PPP2R2A: variants seen among roughly 807,000 people sequenced by gnomAD.
PPP2R2A encodes protein phosphatase 2 regulatory subunit Balpha.
A neutral mutation model predicts 53.2 loss-of-function variants in PPP2R2A; 9 were observed. The observed-to-expected ratio is 0.17, with a 90% confidence interval of 0.10 to 0.30. The LOEUF is 0.30. PPP2R2A is among the 10% of genes least tolerant of loss of function. The pLI is 1.00. For missense variants in PPP2R2A, 235 were observed against 534.6 expected, an observed-to-expected ratio of 0.44 and a Z score of 5.53; for synonymous variants, 169 against 174.2, an observed-to-expected ratio of 0.97 and a Z score of 0.23.
chr8:26,323,655 A>T (rs11775225), intron 2 of PPP2R2A, among the ~76,000 whole-genome samples: 23 of 152,172 alleles, frequency 1.5e-4, no homozygotes, highest in African/African-American at 5.6e-4. Flanking sequence ...ACATGAAGAG[A>T]TATGTAGGAC....
chr8:26,367,433 GA>G (rs956362713), intron 9 of PPP2R2A, among the ~76,000 whole-genome samples: 1 of 152,042 alleles, frequency 6.6e-6, no homozygotes, highest in Non-Finnish European at 1.5e-5. Context: ...TCTATTATCA[GA>G]AAAAAACGAT....
At chr8:26,365,002 A>G (rs1211825757) in intron 8 of PPP2R2A, 5 of 152,188 alleles carry the variant, frequency 3.3e-5, no homozygotes, top group Non-Finnish European at 5.9e-5. Context: ...GCCAAGATTG[A>G]TATATCTCCT....
At chr8:26,326,898 C>A (rs1803116017) in intron 2 of PPP2R2A, among the ~76,000 whole-genome samples, 1 of 152,190 alleles carries the variant, frequency 6.6e-6, no homozygotes, top group Non-Finnish European at 1.5e-5. Flanking sequence ...GTTTAAAAAA[C>A]CACACCTATA....
chr8:26,302,966 A>T (rs1350646032), intron 2 of PPP2R2A, among the ~76,000 whole-genome samples: 1 of 152,204 alleles, frequency 6.6e-6, no homozygotes, highest in African/African-American at 2.4e-5. Flanking sequence ...GTCATTCAGA[A>T]AATTTGAGTT....
intron 2 of PPP2R2A, among the ~76,000 whole-genome samples, chr8:26,335,951 T>A (rs1239412200): frequency 6.6e-6 from 1 of 152,248 alleles, no homozygotes; most frequent in Non-Finnish European, 1.5e-5. Flanking sequence ...ATGTCTTGTT[T>A]CTGTTGCATC....
chr8:26,366,271 C>A lies in PPP2R2A; in HGVS notation c.973-44C>A, dbSNP rs762243003. The A allele has an allele frequency of 3.8e-5, 56 of 1,481,962 alleles. 1 individual carries two copies. In the Admixed American group the frequency reaches 9.2e-4, roughly 24 times the overall value. 91.8% of individuals were successfully genotyped at this position (1,481,962 alleles called of 1,614,324 possible). On this transcript the variant is annotated intron_variant, in intron 8 of 9. Coordinates refer to ENST00000380737, the MANE Select transcript of PPP2R2A (RefSeq NM_002717.4). ...TTTTAAAGATATGGACTTGTTAAATCATTTTCCTAATTTCAGTGCAGTATA... is the reference window on the plus strand; with the variant it reads ...TTTTAAAGATATGGACTTGTTAAATAATTTTCCTAATTTCAGTGCAGTATA...
At chr8:26,291,877 C>A (rs1396182764) in intron 1 of PPP2R2A, 51 bp downstream of exon 1, 1 of 1,604,226 alleles carries the variant, frequency 6.2e-7, no homozygotes, top group Non-Finnish European at 8.5e-7. Context: ...TTCCTTATTC[C>A]TCCCTCCATC....
intron 1 of PPP2R2A, chr8:26,292,164 T>A: frequency 8.4e-7 from 1 of 1,188,782 alleles, no homozygotes; most frequent in Non-Finnish European, 1.0e-6. Context: ...TTCTCCCACC[T>A]CCCCACCTTG....
chr8:26,309,773 G>A (rs928819183), intron 2 of PPP2R2A, among the ~76,000 whole-genome samples: 10 of 152,186 alleles, frequency 6.6e-5, no homozygotes, highest in African/African-American at 2.2e-4. Context: ...GAGGGGAACT[G>A]CCAGTAGGTG....
In PPP2R2A at chr8:26,372,177, T is replaced by C. The variant is rs1048527; in HGVS notation, c.*1764T>C. On this transcript the variant is annotated 3_prime_UTR_variant, in exon 10 of 10. Transcript: ENST00000380737. ...ACTGTATCTTTTGGATTTAACAAATTTGTATTTGAAACACATTCTATGTCT... is the reference window on the plus strand; with the variant it reads ...ACTGTATCTTTTGGATTTAACAAATCTGTATTTGAAACACATTCTATGTCT... 10 of 152,230 alleles carry C rather than the reference T, an allele frequency of 6.6e-5. No individual in the cohort carries two copies. Among genetic ancestry groups the C allele is most frequent in the Non-Finnish European group, 1.5e-4 (10 of 68,040 alleles). 9.4% of individuals were successfully genotyped at this position (152,230 alleles called of 1,614,324 possible).
intron 2 of PPP2R2A, chr8:26,333,401 G>A: frequency 2.1e-6 from 1 of 485,684 alleles, no homozygotes; most frequent in African/African-American, 2.0e-5. Flanking sequence ...TAACTATTGA[G>A]TATTTCAAAT....
chr8:26,299,208 G>T (rs954300305), intron 2 of PPP2R2A, among the ~76,000 whole-genome samples: 1 of 151,950 alleles, frequency 6.6e-6, no homozygotes, highest in Non-Finnish European at 1.5e-5. Flanking sequence ...CTACAGTTAG[G>T]CTGTGATTGT....
At chr8:26,358,149 AAAGAGCTTTCTT>A (rs1463602058) in intron 4 of PPP2R2A, among the ~76,000 whole-genome samples, 16 of 152,174 alleles carry the variant, frequency 1.1e-4, no homozygotes, top group African/African-American at 3.4e-4. Flanking sequence ...AACATTTTTT[AAAGAGCTTTCTT>A]CCTGTAAACA....
chr8:26,361,969 A>G (rs1463946631), intron 6 of PPP2R2A, among the ~76,000 whole-genome samples: 2 of 149,108 alleles, frequency 1.3e-5, no homozygotes, highest in Non-Finnish European at 3.0e-5. Flanking sequence ...CTCAAAAAAT[A>G]TATATATATA....
intron 8 of PPP2R2A, among the ~76,000 whole-genome samples, chr8:26,364,754 T>C (rs186609581): frequency 6.6e-6 from 1 of 152,254 alleles, no homozygotes; most frequent in Non-Finnish European, 1.5e-5. Context: ...TAGTTCACTA[T>C]TGAGCAACAT....
chr8:26,356,373 C>A (rs1804784993), intron 4 of PPP2R2A, among the ~76,000 whole-genome samples: 1 of 152,186 alleles, frequency 6.6e-6, no homozygotes, highest in African/African-American at 2.4e-5. Flanking sequence ...CCAGCCAGTC[C>A]ATTGAGATGC....
Position 26,370,155 on chromosome 8 carries a change from CAAT to C in PPP2R2A, c.1090_1092del (p.Asn364del). ...ACAGTGTTGTCATGACTGGATCTTA[CAAT>C]AATTTCTTCAGAATGTTTGACAGAA... On this transcript the variant is annotated inframe_deletion, in exon 10 of 10. Transcript: ENST00000380737. This position sits in a 1 kb window ranked among gnomAD's most constrained non-coding sequence, Gnocchi z 6.1. The C allele has an allele frequency of 6.2e-7, 1 of 1,613,914 alleles. No individual in the cohort carries two copies.
chr8:26,343,343 T>TG (rs1804046059), intron 3 of PPP2R2A, among the ~76,000 whole-genome samples: 2 of 152,074 alleles, frequency 1.3e-5, no homozygotes, highest in South Asian at 4.2e-4. Flanking sequence ...TGGATTCCTT[T>TG]GATAGCCTAG....
At chr8:26,329,435 T>C (rs542750275) in intron 2 of PPP2R2A, among the ~76,000 whole-genome samples, 2 of 152,176 alleles carry the variant, frequency 1.3e-5, no homozygotes, top group African/African-American at 4.8e-5. Context: ...AAAATCTGCA[T>C]TGGGCATTGG....
Sources: gnomAD v4.1 joint callset for allele counts (sites outside exome capture counted in the v4.1 genomes callset) on GRCh38, gnomAD v4.1.1 for gene constraint, Gnocchi (gnomAD v3.1) non-coding constraint, MANE v1.5 for transcripts, NCBI Gene and HGNC (gene_info 2026-07-23, HGNC 2026-07-21) for gene names.